NPR3: variants seen among roughly 807,000 people sequenced by gnomAD.
The protein encoded by NPR3 is natriuretic peptide receptor 3, also known as atrial natriuretic peptide receptor 3.
A neutral mutation model predicts 54.5 loss-of-function variants in NPR3; 34 were observed. The ratio of observed to expected loss-of-function variants is 0.62; its 90% CI spans 0.47 to 0.83. The LOEUF (loss-of-function observed/expected upper bound fraction) is 0.83, where lower values mean the gene tolerates loss of function less well. Ranked by LOEUF, NPR3 falls within the 40% of genes least tolerant of loss-of-function variation. NPR3 has a pLI of 0.00. For missense variants in NPR3, 674 were observed against 720.8 expected (o/e 0.94, Z 0.74); for synonymous variants, 289 against 297.1 (o/e 0.97, Z 0.28).
intron 3 of NPR3, among the ~76,000 whole-genome samples, chr5:32,760,750 C>A (rs1317155728): frequency 6.6e-6 from 1 of 151,096 alleles, no homozygotes; most frequent in Non-Finnish European, 1.5e-5. Flanking sequence ...AATCTGCCAA[C>A]CCTAAAGTCA....
chr5:32,782,998 G>A lies in NPR3; in HGVS notation c.1396G>A (p.Glu466Lys). The change falls in exon 6 of 8, where the codon GAG becomes AAG. Residue 466 changes from glutamate (E) to lysine (K), a missense_variant. Coordinates refer to ENST00000265074, the MANE Select transcript of NPR3 (RefSeq NM_001204375.2). ...KLRIDENRIV[E>K]HTNSSPCKSS... ...GAGAATAGATGAAAACCGAATTGTAGAGCATACAAACAGCTCTCCCTGCAA... is the reference window on the plus strand; with the variant it reads ...GAGAATAGATGAAAACCGAATTGTAAAGCATACAAACAGCTCTCCCTGCAA... The A allele has an allele frequency of 8.1e-6, 13 of 1,605,148 alleles. No individual in the cohort carries two copies. The highest frequency in any genetic ancestry group is 1.1e-5 in the Non-Finnish European group (13 of 1,175,146).
chr5:32,713,764 C>T (rs1738394155), intron 1 of NPR3, among the ~76,000 whole-genome samples: 1 of 152,232 alleles, frequency 6.6e-6, no homozygotes, highest in African/African-American at 2.4e-5. Context: ...GACAGAGAAG[C>T]CATCGATAAT....
chr5:32,771,998 C>G (rs111870506), intron 3 of NPR3, among the ~76,000 whole-genome samples: 12 of 152,076 alleles, frequency 7.9e-5, no homozygotes, highest in Admixed American at 2.0e-4. Flanking sequence ...TACACCGCTA[C>G]AGTTCACTTA....
rs1380572483 is a variant in NPR3, at chr5:32,791,391, T to A, written c.*5046T>A. 1 of 167,080 alleles carries A rather than the reference T, an allele frequency of 6.0e-6. No homozygotes were observed. Among genetic ancestry groups the A allele is most frequent in the Non-Finnish European group, 1.5e-5 (1 of 68,110 alleles). The allele number at this position is 167,080 out of a possible 1,614,324, so 10.3% of individuals were successfully genotyped here. ...ATACAGGACTACCAAACAGTACAAA[T>A]CTATCATGAGTCTGGTAGAAAAGTA... On this transcript the variant is annotated 3_prime_UTR_variant, in exon 8 of 8. Coordinates refer to ENST00000265074, the MANE Select transcript of NPR3 (RefSeq NM_001204375.2).
chr5:32,724,514 C>G (rs563683362), intron 1 of NPR3, among the ~76,000 whole-genome samples, 184 bp from the exon 2 acceptor site: 1 of 152,294 alleles, frequency 6.6e-6, no homozygotes, highest in African/African-American at 2.4e-5. Context: ...GCTTCCATCT[C>G]TTGGTTATGG....
intron 1 of NPR3, chr5:32,716,555 A>G: frequency 2.5e-6 from 1 of 403,580 alleles, no homozygotes; most frequent in Non-Finnish European, 4.9e-6. Flanking sequence ...CAAGAGTTTG[A>G]GGCTATGGAT....
intron 1 of NPR3, among the ~76,000 whole-genome samples, chr5:32,722,126 C>T (rs535227992): frequency 1.4e-4 from 22 of 152,086 alleles, no homozygotes; most frequent in African/African-American, 4.6e-4. Context: ...AGGAGATGGG[C>T]CGGGAATGTA....
chr5:32,779,793 A>G (rs1742243807), intron 4 of NPR3, among the ~76,000 whole-genome samples: 1 of 152,242 alleles, frequency 6.6e-6, no homozygotes, highest in Admixed American at 6.5e-5. Flanking sequence ...TAAAATAAAT[A>G]GTAGTAATAA....
chr5:32,702,312 G>T (rs1399135207), intron 1 of NPR3, among the ~76,000 whole-genome samples: 1 of 152,006 alleles, frequency 6.6e-6, no homozygotes, highest in Non-Finnish European at 1.5e-5. Context: ...ACAATGTGCA[G>T]GTTAGTTACA....
chr5:32,740,398 T>C (rs1739976384), intron 3 of NPR3, among the ~76,000 whole-genome samples: 1 of 152,252 alleles, frequency 6.6e-6, no homozygotes, highest in South Asian at 2.1e-4. Flanking sequence ...AGATTATACC[T>C]GTCTTTATAG....
Position 32,784,887 on chromosome 5 carries a change from AGGAC to A in NPR3, c.1514+7_1514+10del, listed in dbSNP as rs1443809059. The A allele has an allele frequency of 1.1e-5, 18 of 1,607,730 alleles. No individual in the cohort carries two copies. The highest frequency in any genetic ancestry group is 1.5e-5 in the Non-Finnish European group (18 of 1,174,384). On this transcript the variant is annotated splice_donor_5th_base_variant and intron_variant, in intron 7 of 7. Coordinates refer to ENST00000265074, the MANE Select transcript of NPR3 (RefSeq NM_001204375.2). The stretch of plus-strand genomic sequence containing the variant: ...TAATGGCCTTCTACTTTTTCAGGTG[AGGAC>A]GGTTTGTAAAGGTACAATTCACTCT...
At chr5:32,703,435 TCA>T (rs1275306348) in intron 1 of NPR3, among the ~76,000 whole-genome samples, 2 of 151,776 alleles carry the variant, frequency 1.3e-5, no homozygotes, top group Non-Finnish European at 2.9e-5. Flanking sequence ...CTCCCAGTAG[TCA>T]CCATGGCTGG....
chr5:32,730,276 TAAAAATA>T (rs1203713046), intron 2 of NPR3, among the ~76,000 whole-genome samples: 5 of 152,038 alleles, frequency 3.3e-5, no homozygotes, highest in Admixed American at 3.3e-4. Context: ...TTCATGATTT[TAAAAATA>T]AAAAATAAAA....
chr5:32,710,458 C>A, upstream of NPR3: 1 of 445,210 alleles, frequency 2.2e-6, no homozygotes, highest in South Asian at 5.6e-5. Flanking sequence ...AGAAGTTGAA[C>A]CATTCCCTCG....
At chr5:32,712,568 C>A in intron 1 of NPR3, 23 bp downstream of exon 1, 1 of 1,501,534 alleles carries the variant, frequency 6.7e-7, no homozygotes, top group Non-Finnish European at 8.8e-7. Flanking sequence ...GCGTCCCGGG[C>A]CCCGGGCCCT....
chr5:32,741,771 CT>C (rs201317249), intron 3 of NPR3, among the ~76,000 whole-genome samples: 50 of 146,020 alleles, frequency 3.4e-4, no homozygotes, highest in Non-Finnish European at 2.7e-4. Context: ...GGGGCTTTTT[CT>C]TTTTTTTTTT....
intron 3 of NPR3, among the ~76,000 whole-genome samples, chr5:32,753,122 A>C (rs570434481): frequency 1.5e-3 from 225 of 152,346 alleles, no homozygotes; most frequent in African/African-American, 5.0e-3. Flanking sequence ...TACCTGTGAA[A>C]AAGGTCTTTT....
intron 1 of NPR3, among the ~76,000 whole-genome samples, chr5:32,720,342 A>T (rs1282229815): frequency 6.6e-6 from 1 of 152,248 alleles, no homozygotes; most frequent in Non-Finnish European, 1.5e-5. Flanking sequence ...TTAGCACATT[A>T]GAGGTTTCTC....
chr5:32,780,653 C>A, intron 4 of NPR3, 69 bp from the exon 5 acceptor site: 4 of 795,248 alleles, frequency 5.0e-6, no homozygotes, highest in Non-Finnish European at 9.2e-6. Context: ...AATTCATTTT[C>A]TTGTTTTTGT....
Sources: gnomAD v4.1 joint callset for allele counts (sites outside exome capture counted in the v4.1 genomes callset) on GRCh38, gnomAD v4.1.1 for gene constraint, MANE v1.5 for transcripts, NCBI Gene and HGNC (gene_info 2026-07-23, HGNC 2026-07-21) for gene names.